The following ZNF197 variants were observed in gnomAD, a reference collection of about 807,000 sequenced individuals.
ZNF197 encodes the protein zinc finger protein 197.
Under a neutral mutation model 27.4 loss-of-function variants are expected in ZNF197, and 14 were observed. The ratio of observed to expected loss-of-function variants is 0.51; its 90% CI spans 0.34 to 0.80. The LOEUF (loss-of-function observed/expected upper bound fraction) is 0.80. Among genes scored for constraint, ZNF197 ranks in the 30% least tolerant of loss-of-function variants. The pLI is 0.02. For synonymous variants in ZNF197, 415 were observed against 420.0 expected (o/e 0.99, Z 0.15); for missense variants, 1,090 against 1,222.6 (o/e 0.89, Z 1.62).
Position 44,643,296 on chromosome 3 carries a change from G to C in ZNF197, c.2166G>C (p.Met722Ile). ...CCTTTATTATGAGCAAAAGTTTTAT[G>C]GTCCATCAGAAACTCCATACACAAG... is the stretch of plus-strand genomic sequence containing the variant. ...GKTFIMSKSF[M>I]VHQKLHTQEK... The change falls in exon 6 of 6, where the codon ATG becomes ATC. Residue 722 changes from methionine to isoleucine, a missense_variant. Transcript: ENST00000344387. The C allele has an allele frequency of 3.7e-6, 6 of 1,613,764 alleles. No individual in the cohort carries two copies. Among genetic ancestry groups the C allele is most frequent in the Non-Finnish European group, 5.1e-6 (6 of 1,179,938 alleles).
At chr3:44,632,939 T>A (rs1215977915) in intron 5 of ZNF197, among the ~76,000 whole-genome samples, 1 of 152,200 alleles carries the variant, frequency 6.6e-6, no homozygotes, top group African/African-American at 2.4e-5. Context: ...GTACCATAAT[T>A]CAGTCAGCCA....
chr3:44,637,557 C>T (rs895518561), intron 5 of ZNF197, among the ~76,000 whole-genome samples: 2 of 151,984 alleles, frequency 1.3e-5, no homozygotes, highest in East Asian at 1.9e-4. Flanking sequence ...AATCTAGGGC[C>T]GGGAAGATTT....
In ZNF197 at chr3:44,629,404, C is replaced by A; in HGVS notation, c.250C>A (p.Leu84Met). ...ACGCACCAAGGCACAGATCCTGGAG[C>A]TGCTGGTGCTGGAGCAGTTTCTGAG... ...EARTKAQILE[L>M]LVLEQFLSIL... The change falls in exon 2 of 6, where the codon CTG (leucine) becomes ATG (methionine). Residue 84 changes from leucine to methionine, a missense_variant. Coordinates refer to ENST00000344387, the MANE Select transcript of ZNF197 (RefSeq NM_006991.5). 1 of 1,614,188 alleles carries A rather than the reference C, an allele frequency of 6.2e-7. No individual in the cohort carries two copies. The highest frequency in any genetic ancestry group is 8.5e-7 in the Non-Finnish European group (1 of 1,180,024).
In ZNF197 at chr3:44,643,657, G is replaced by A. The variant is rs1702765590; in HGVS notation, c.2527G>A (p.Glu843Lys). The A allele has an allele frequency of 6.2e-7, 1 of 1,614,216 alleles. No homozygotes were observed. The highest frequency in any genetic ancestry group is 8.5e-7 in the Non-Finnish European group (1 of 1,180,040). The change falls in exon 6 of 6, where the codon GAG (glutamate) becomes AAG (lysine). Residue 843 changes from glutamate (E) to lysine (K), a missense_variant. Physicochemically the swap from Glu to Lys is moderately conservative, Grantham distance 56 (BLOSUM62 1). Transcript: ENST00000344387. ...AGCCCATCAGAGGATCCATACTGGTGAGAAGCCCTATGCGTGTAGTGAGTG... is the reference window on the plus strand; with the variant it reads ...AGCCCATCAGAGGATCCATACTGGTAAGAAGCCCTATGCGTGTAGTGAGTG... ...LIAHQRIHTG[E>K]KPYACSECGK... is the part of the protein sequence containing the mutation.
chr3:44,646,300 C>CT lies in ZNF197; in HGVS notation c.*2082dup. The stretch of plus-strand genomic sequence containing the variant: ...CATCCAGGTTGTTGAATCATCCCAG[C>CT]TTATATAATAATTACAAAGGACATA... On this transcript the variant is annotated 3_prime_UTR_variant, in exon 6 of 6. Transcript: ENST00000344387. 2 of 985,356 alleles carry CT rather than the reference C, an allele frequency of 2.0e-6. No homozygotes were observed. The highest frequency in any genetic ancestry group is 2.4e-6 in the Non-Finnish European group (2 of 829,912). 61.0% of individuals were successfully genotyped at this position (985,356 alleles called of 1,614,324 possible).
In ZNF197 at chr3:44,626,593, T is replaced by TA. The variant is rs528175849; in HGVS notation, c.-82+1451dup. On this transcript the variant is annotated intron_variant, in intron 1 of 5. Transcript: ENST00000344387. ...AACATGGGCAAAATATATGAATAGT[T>TA]ACTTTAAAAAATATACAAATGACTC... is the stretch of plus-strand genomic sequence containing the variant. Among the ~76,000 whole-genome samples, 78 of 152,350 alleles carry TA rather than the reference T, an allele frequency of 5.1e-4. No homozygotes were observed. The East Asian group carries it at 0.012, about 24-fold the overall frequency.
chr3:44,635,814 A>T (rs1484723503), intron 5 of ZNF197, among the ~76,000 whole-genome samples: 3 of 152,206 alleles, frequency 2.0e-5, no homozygotes, highest in Non-Finnish European at 4.4e-5. Flanking sequence ...GTGAGCCCAT[A>T]GGATCCTGGG....
chr3:44,645,850 G>A lies in ZNF197; in HGVS notation c.*1630G>A, dbSNP rs1702926101. On this transcript the variant is annotated 3_prime_UTR_variant, in exon 6 of 6. Coordinates refer to ENST00000344387, the MANE Select transcript of ZNF197 (RefSeq NM_006991.5). Reference sequence around the variant, plus strand: ...GGGCAGTCAGTGCCCATTACCCCCTGTGAACCATTCTGTGCCCTTGAGTAC... The same window carrying A: ...GGGCAGTCAGTGCCCATTACCCCCTATGAACCATTCTGTGCCCTTGAGTAC... 13 of 985,290 alleles carry A rather than the reference G, an allele frequency of 1.3e-5. No individual in the cohort carries two copies. The highest frequency in any genetic ancestry group is 1.6e-5 in the Non-Finnish European group (13 of 829,940). The allele number at this position is 985,290 out of a possible 1,614,324, so 61.0% of individuals were successfully genotyped here.
rs1703059940 is a variant in ZNF197 at position 44,648,021 on chromosome 3, C to A, written c.*3801C>A. On this transcript the variant is annotated 3_prime_UTR_variant, in exon 6 of 6. Transcript: ENST00000344387. ...TGGGTGAAGGGTGCTATCTTTGCAA[C>A]TTCCTGTGATTCTATCATTTCAAAA... 1 of 152,146 alleles carries A rather than the reference C, an allele frequency of 6.6e-6. No individual in the cohort carries two copies. The highest frequency in any genetic ancestry group is 6.5e-5 in the Admixed American group (1 of 15,280). The allele number at this position is 152,146 out of a possible 1,614,324, so 9.4% of individuals were successfully genotyped here.
rs913903797 is a variant in ZNF197 at position 44,644,115 on chromosome 3, C to T, written c.2985C>T (p.Phe995=). 6.2e-7 allele frequency: 1 copy of T among 1,614,090 alleles called. No homozygotes were observed. The highest frequency in any genetic ancestry group is 8.5e-7 in the Non-Finnish European group (1 of 1,180,006). Residue 995 remains phenylalanine, a synonymous_variant, in exon 6 of 6, where the codon TTC becomes TTT. Transcript: ENST00000344387. Reference sequence around the variant, plus strand: ...AATGTGATGTGTCTGAAAAAGAATTCTCTCAGACTTCCAACCTTCATCTTC... The same window carrying T: ...AATGTGATGTGTCTGAAAAAGAATTTTCTCAGACTTCCAACCTTCATCTTC... ...PCECDVSEKE[F]SQTSNLHLQQ...
At chr3:44,626,213 C>T (rs1182406656) in intron 1 of ZNF197, among the ~76,000 whole-genome samples, 3 of 152,132 alleles carry the variant, frequency 2.0e-5, no homozygotes, top group Non-Finnish European at 4.4e-5. Context: ...TTGCCTTATC[C>T]CTACTTCGTT....
In ZNF197 at chr3:44,638,364, C is replaced by G. The variant is rs145835779; in HGVS notation, c.770-3536C>G. ...TCAAGCAGTCCTCAGCCTAAATCTACTGAATAGCTTTGACTACAGGTGTGT... is the reference window on the plus strand; with the variant it reads ...TCAAGCAGTCCTCAGCCTAAATCTAGTGAATAGCTTTGACTACAGGTGTGT... On this transcript the variant is annotated intron_variant, in intron 5 of 5. Coordinates refer to ENST00000344387, the MANE Select transcript of ZNF197 (RefSeq NM_006991.5). 8.8e-3 allele frequency among the ~76,000 whole-genome samples: 1,342 copies of G among 152,064 alleles called. 12 individuals carry two copies. The highest frequency in any genetic ancestry group is 0.034 in the Middle Eastern group (10 of 294).
rs532927686 is a variant in ZNF197 at position 44,637,369 on chromosome 3, C to T, written c.770-4531C>T. On this transcript the variant is annotated intron_variant, in intron 5 of 5. Transcript: ENST00000344387. ...TCTTGAACTCCTGGCCTCAAGCGAT[C>T]TTCCTGCCTCAGCCTCCCCAAGTGT... Among the ~76,000 whole-genome samples the T allele has an allele frequency of 2.0e-5, 3 of 152,338 alleles. 1 individual carries two copies. The highest frequency in any genetic ancestry group is 7.2e-5 in the African/African-American group (3 of 41,592).
At chr3:44,637,985 C>T (rs780445673) in intron 5 of ZNF197, among the ~76,000 whole-genome samples, 2 of 152,134 alleles carry the variant, frequency 1.3e-5, no homozygotes, top group Non-Finnish European at 1.5e-5. Flanking sequence ...TGGTCAATAT[C>T]TTTGAAGAAG....
At position 44,644,659 on chromosome 3, in the gene ZNF197, C is replaced by G. The variant is rs1175708358; in HGVS notation, c.*439C>G. ...TTGTCTGAAAAAATAAAGTTCATCC[C>G]AACTTTCAAGTCTACAAAAACATAA... On this transcript the variant is annotated 3_prime_UTR_variant, in exon 6 of 6. Coordinates refer to ENST00000344387, the MANE Select transcript of ZNF197 (RefSeq NM_006991.5). 1 of 987,052 alleles carries G rather than the reference C, an allele frequency of 1.0e-6. No homozygotes were observed. The highest frequency in any genetic ancestry group is 1.2e-6 in the Non-Finnish European group (1 of 831,292). 61.1% of individuals were successfully genotyped at this position (987,052 alleles called of 1,614,324 possible). A position where few individuals can be genotyped will look rare whatever the true frequency, so the allele number is the denominator to read the frequency against.
At chr3:44,632,053 T>A in intron 3 of ZNF197, 52 bp from the exon 4 acceptor site, 1 of 1,508,888 alleles carries the variant, frequency 6.6e-7, no homozygotes, top group Non-Finnish European at 9.2e-7. Flanking sequence ...GCAAGTGGGG[T>A]CACTCAGAAA....
intron 3 of ZNF197, 67 bp downstream of exon 3, chr3:44,631,288 C>A: frequency 6.3e-7 from 1 of 1,587,524 alleles, no homozygotes; most frequent in Non-Finnish European, 8.6e-7. Context: ...CCCCCTACTT[C>A]CAGGGAGTTG....
chr3:44,636,283 C>T (rs560738040), intron 5 of ZNF197, among the ~76,000 whole-genome samples: 180 of 140,456 alleles, frequency 1.3e-3, no homozygotes, highest in Middle Eastern at 4.4e-3. Flanking sequence ...CCAGCCTGGG[C>T]GACAGAGCAA....
At position 44,644,127 on chromosome 3, in the gene ZNF197, C is replaced by G; in HGVS notation, c.2997C>G (p.Ser999=). The change falls in exon 6 of 6, where the codon TCC becomes TCG. Residue 999 remains serine (S), a synonymous_variant. Coordinates refer to ENST00000344387, the MANE Select transcript of ZNF197 (RefSeq NM_006991.5). ...DVSEKEFSQT[S]NLHLQQKIHT... is the part of the protein sequence containing the mutation. ...CTGAAAAAGAATTCTCTCAGACTTCCAACCTTCATCTTCAACAGAAAATCC... is the reference window on the plus strand; with the variant it reads ...CTGAAAAAGAATTCTCTCAGACTTCGAACCTTCATCTTCAACAGAAAATCC... 6.2e-7 allele frequency: 1 copy of G among 1,614,006 alleles called. No homozygotes were observed. The highest frequency in any genetic ancestry group is 8.5e-7 in the Non-Finnish European group (1 of 1,179,982).
Sources: gnomAD v4.1 joint callset for allele counts (sites outside exome capture counted in the v4.1 genomes callset) on GRCh38, gnomAD v4.1.1 for gene constraint, MANE v1.5 for transcripts, NCBI Gene and HGNC (gene_info 2026-07-23, HGNC 2026-07-21) for gene names.